Variants in NTRK2 observed in about 807,000 individuals in gnomAD.
NTRK2 encodes BDNF/NT-3 growth factors receptor.
A neutral mutation model predicts 94.5 loss-of-function variants in NTRK2; 13 were observed. That is an observed-to-expected ratio of 0.14 (90% CI 0.09 to 0.22). The LOEUF is 0.22. NTRK2 is among the 10% of genes least tolerant of loss of function. The pLI, the probability that NTRK2 is intolerant of heterozygous loss-of-function variation, is 1.00. For missense variants in NTRK2, 639 were observed against 1,071.2 expected (o/e 0.60, Z 5.63); for synonymous variants, 372 against 407.4 (o/e 0.91, Z 1.05).
chr9:84,944,906 C>G (rs1263322348), intron 15 of NTRK2, among the ~76,000 whole-genome samples: 3 of 152,228 alleles, frequency 2.0e-5, no homozygotes, highest in East Asian at 1.9e-4. Context: ...ATCCTTGTGT[C>G]CCTGTGGAGT....
At chr9:84,860,455 T>G (rs1270471949) in intron 12 of NTRK2, among the ~76,000 whole-genome samples, 3 of 152,132 alleles carry the variant, frequency 2.0e-5, no homozygotes, top group Admixed American at 1.3e-4. Context: ...AATTAAGATC[T>G]TTTTTTCCCT....
intron 12 of NTRK2, among the ~76,000 whole-genome samples, chr9:84,776,504 G>C (rs571704952): frequency 1.3e-5 from 2 of 152,316 alleles, no homozygotes; most frequent in East Asian, 1.9e-4. Context: ...TTACAGGTGT[G>C]AGCCACCATG....
intron 15 of NTRK2, among the ~76,000 whole-genome samples, chr9:84,943,468 C>T (rs7864328): frequency 0.074 from 11,337 of 152,182 alleles, 791 homozygotes; most frequent in African/African-American, 0.19. Context: ...GGCAGTATCT[C>T]GCTACAGTTC....
Position 84,710,638 on chromosome 9 carries a change from A to G in NTRK2, c.430A>G (p.Ile144Val), listed in dbSNP as rs778403111. Residue 144 changes from isoleucine (I) to valine (V), a missense_variant and splice_region_variant, in exon 6 of 19, where the codon ATC becomes GTC. Ile to Val is a conservative substitution (Grantham distance 29). Coordinates refer to ENST00000277120, the MANE Select transcript of NTRK2 (RefSeq NM_006180.6). ...TGTTGTCATTTTTGTTCCCTGTAGG[A>G]TCCTGGTGGGCAATCCATTTACATG... The part of the protein sequence containing the change: ...HFRHLDLSEL[I>V]LVGNPFTCSC... The G allele has an allele frequency of 6.2e-7, 1 of 1,614,156 alleles. No individual in the cohort carries two copies. The highest frequency in any genetic ancestry group is 8.5e-7 in the Non-Finnish European group (1 of 1,180,020).
chr9:84,926,172 T>TTCTTTCTTTCTTTCTTTCTC (rs1564471117), intron 14 of NTRK2, among the ~76,000 whole-genome samples: 2 of 53,704 alleles, frequency 3.7e-5, no homozygotes, highest in African/African-American at 1.3e-4. Context: ...CTTCCTTCCT[T>TTCTTTCTTTCTTTCTTTCTC]TCTTTCTTTC....
chr9:84,977,891 T>G (rs1450970585), intron 17 of NTRK2, among the ~76,000 whole-genome samples: 1 of 152,224 alleles, frequency 6.6e-6, no homozygotes, highest in Non-Finnish European at 1.5e-5. Context: ...TATTATAAGA[T>G]CTGTTCCAGT....
At chr9:84,800,285 C>G (rs1013903062) in intron 12 of NTRK2, among the ~76,000 whole-genome samples, 8 of 152,174 alleles carry the variant, frequency 5.3e-5, no homozygotes, top group Non-Finnish European at 1.2e-4. Flanking sequence ...CCACTGCAAC[C>G]TGTGCCTCCT....
chr9:84,834,751 A>G (rs1256062811), intron 12 of NTRK2, among the ~76,000 whole-genome samples: 1 of 152,174 alleles, frequency 6.6e-6, no homozygotes, highest in African/African-American at 2.4e-5. Context: ...ACCATTACTC[A>G]TACACAGGGC....
At chr9:84,940,905 C>G (rs1161457545) in intron 15 of NTRK2, among the ~76,000 whole-genome samples, 1 of 152,122 alleles carries the variant, frequency 6.6e-6, no homozygotes, top group African/African-American at 2.4e-5. Context: ...AGTCCTTCTC[C>G]CATTCCTCCC....
At chr9:84,755,192 G>C (rs1202212004) in intron 12 of NTRK2, among the ~76,000 whole-genome samples, 1 of 152,192 alleles carries the variant, frequency 6.6e-6, no homozygotes, top group Non-Finnish European at 1.5e-5. Context: ...TGGGTCTGCA[G>C]GTCTGTAAGC....
Position 84,838,457 on chromosome 9 carries a change from T to A in NTRK2, c.1397-22583T>A, listed in dbSNP as rs570868729. ...ATGTACAATATTACACTATTTTCAG[T>A]GTATATTGTATATGCATTATGATCC... On this transcript the variant is annotated intron_variant, in intron 12 of 18. Transcript: ENST00000277120. Among the ~76,000 whole-genome samples the A allele has an allele frequency of 5.4e-4, 78 of 143,538 alleles. No individual in the cohort carries two copies. In the South Asian group the frequency reaches 0.015, roughly 27 times the overall value. The allele number at this position is 143,538 out of a possible 152,430, so 94.2% of individuals were successfully genotyped here. A position where few individuals can be genotyped will look rare whatever the true frequency, so the allele number is the denominator to read the frequency against.
intron 17 of NTRK2, among the ~76,000 whole-genome samples, chr9:84,966,108 T>G (rs1825527941): frequency 6.6e-6 from 1 of 152,192 alleles, no homozygotes; most frequent in Non-Finnish European, 1.5e-5. Context: ...CTAGTTTAAA[T>G]TTGACTCCAT....
At chr9:84,949,462 A>T (rs2078706314) in intron 16 of NTRK2, among the ~76,000 whole-genome samples, 1 of 151,196 alleles carries the variant, frequency 6.6e-6, no homozygotes, top group Admixed American at 6.6e-5. Context: ...TTATTTATTT[A>T]TTTATTTATT....
chr9:84,871,504 G>A (rs1036795348), intron 14 of NTRK2, among the ~76,000 whole-genome samples: 2 of 152,120 alleles, frequency 1.3e-5, no homozygotes, highest in Non-Finnish European at 2.9e-5. Context: ...GCTCAAAAGT[G>A]GTTTGTCCAG....
intron 12 of NTRK2, among the ~76,000 whole-genome samples, chr9:84,808,879 A>G (rs1353473495): frequency 1.3e-5 from 2 of 152,212 alleles, no homozygotes; most frequent in East Asian, 1.9e-4. Flanking sequence ...CTGGAGGCAG[A>G]TGACACTAGC....
chr9:84,880,973 A>G (rs1372566829), intron 14 of NTRK2, among the ~76,000 whole-genome samples: 1 of 152,230 alleles, frequency 6.6e-6, no homozygotes, highest in Non-Finnish European at 1.5e-5. Context: ...GAGTGTTCCA[A>G]GCCCGCTGAA....
chr9:84,876,552 G>C, intron 14 of NTRK2: 1 of 1,056,414 alleles, frequency 9.5e-7, no homozygotes, highest in Non-Finnish European at 1.1e-6. Flanking sequence ...TCTATTAATA[G>C]AGTACTTGAG....
At chr9:84,865,206 G>A (rs543244621) in intron 13 of NTRK2, among the ~76,000 whole-genome samples, 3 of 152,266 alleles carry the variant, frequency 2.0e-5, no homozygotes, top group Non-Finnish European at 2.9e-5. Context: ...GGCACAAGAC[G>A]AACACAACTG....
chr9:84,994,456 C>T (rs1187276100), intron 17 of NTRK2, among the ~76,000 whole-genome samples: 1 of 152,346 alleles, frequency 6.6e-6, no homozygotes, highest in South Asian at 2.1e-4. Flanking sequence ...GCACAGGTAA[C>T]AGTAGTGGCT....
Sources: allele counts gnomAD v4.1 joint callset (sites outside exome capture counted in the v4.1 genomes callset), GRCh38; gene constraint gnomAD v4.1.1; transcripts MANE v1.5; gene names NCBI Gene and HGNC (gene_info 2026-07-23, HGNC 2026-07-21).